The following MTMR2 variants were observed in gnomAD, a reference collection of about 807,000 sequenced individuals.
The protein encoded by MTMR2 is phosphatidylinositol-3,5-bisphosphate 3-phosphatase MTMR2.
A neutral mutation model predicts 86.9 loss-of-function variants in MTMR2; 55 were observed. The observed-to-expected ratio is 0.63, with a 90% confidence interval of 0.51 to 0.79. The LOEUF (loss-of-function observed/expected upper bound fraction) is 0.79, where lower values mean the gene tolerates loss of function less well. MTMR2 is among the 30% of genes least tolerant of loss of function. MTMR2 has a pLI of 0.00. For missense variants in MTMR2, 659 were observed against 772.3 expected (o/e 0.85, Z 1.74); for synonymous variants, 241 against 266.8 (o/e 0.90, Z 0.94).
At chr11:95,894,702 T>C (rs1375443055) in intron 1 of MTMR2, among the ~76,000 whole-genome samples, 1 of 152,150 alleles carries the variant, frequency 6.6e-6, no homozygotes, top group Non-Finnish European at 1.5e-5. Context: ...AAAGAGTTTC[T>C]TGAAATTTTG....
At chr11:95,883,418 T>C (rs917804865) in intron 2 of MTMR2, among the ~76,000 whole-genome samples, 4 of 152,202 alleles carry the variant, frequency 2.6e-5, no homozygotes, top group African/African-American at 9.7e-5. Context: ...ATTGCATTAC[T>C]TGAAATTCTA....
At chr11:95,884,626 C>T (rs766299076) in intron 2 of MTMR2, among the ~76,000 whole-genome samples, 4 of 152,082 alleles carry the variant, frequency 2.6e-5, no homozygotes, top group Admixed American at 6.5e-5. Flanking sequence ...GAGTCATGTA[C>T]GAATATCTAT....
chr11:95,896,949 ATT>A (rs1393189171), intron 1 of MTMR2, among the ~76,000 whole-genome samples: 1 of 150,944 alleles, frequency 6.6e-6, no homozygotes, highest in African/African-American at 2.4e-5. Flanking sequence ...TGACTATGTT[ATT>A]TTCACTGGGA....
chr11:95,845,208 T>TCC (rs1332388107), intron 10 of MTMR2, 49 bp from the exon 11 acceptor site: 1 of 1,480,584 alleles, frequency 6.8e-7, no homozygotes, highest in Admixed American at 1.8e-5. Flanking sequence ...GGTAAATACT[T>TCC]CCTTCTTCAA....
intron 2 of MTMR2, among the ~76,000 whole-genome samples, 166 bp downstream of exon 2, chr11:95,887,990 A>G (rs1865572129): frequency 6.6e-6 from 1 of 152,224 alleles, no homozygotes; most frequent in Admixed American, 6.5e-5. Context: ...TCTTTTACAA[A>G]TAAGTAAGCA....
At chr11:95,841,184 A>G (rs1374034975) in intron 12 of MTMR2, among the ~76,000 whole-genome samples, 2 of 152,148 alleles carry the variant, frequency 1.3e-5, no homozygotes, top group East Asian at 3.8e-4. Flanking sequence ...TATGCTTTCT[A>G]TATAAACATT....
intron 9 of MTMR2, among the ~76,000 whole-genome samples, 179 bp from the exon 10 acceptor site, chr11:95,848,078 C>G (rs181046970): frequency 2.2e-4 from 33 of 152,286 alleles, no homozygotes; most frequent in Admixed American, 5.2e-4. Context: ...TTCTTGTGTT[C>G]TTCTTTACAA....
chr11:95,868,302 GAAAGAA>G lies in MTMR2; in HGVS notation c.187-2632_187-2627del, dbSNP rs1218370605. Among the ~76,000 whole-genome samples, 44 of 93,368 alleles carry G rather than the reference GAAAGAA, an allele frequency of 4.7e-4. 1 individual carries two copies. Among genetic ancestry groups the G allele is most frequent in the African/African-American group, 1.6e-3 (40 of 25,402 alleles). The allele number at this position is 93,368 out of a possible 152,430, so 61.3% of individuals were successfully genotyped here. A position where few individuals can be genotyped will look rare whatever the true frequency, so the allele number is the denominator to read the frequency against. Reference sequence around the variant, plus strand: ...AAAAAAAAAAAAAAAAAAAAAAAAAGAAAGAAAAAGAAAAAGAAAAAAAAGAAATAG... The same window carrying G: ...AAAAAAAAAAAAAAAAAAAAAAAAAGAAAGAAAAAGAAAAAAAAGAAATAG... On this transcript the variant is annotated intron_variant, in intron 2 of 14. Coordinates refer to ENST00000346299, the MANE Select transcript of MTMR2 (RefSeq NM_016156.6).
At chr11:95,858,094 C>T (rs1864275651) in intron 6 of MTMR2, among the ~76,000 whole-genome samples, 1 of 152,122 alleles carries the variant, frequency 6.6e-6, no homozygotes, top group Non-Finnish European at 1.5e-5. Flanking sequence ...TATCTACCAC[C>T]ATAGGCTACA....
At chr11:95,857,670 A>C in intron 6 of MTMR2, 35 bp from the exon 7 acceptor site, 18 of 1,363,876 alleles carry the variant, frequency 1.3e-5, no homozygotes, top group Non-Finnish European at 1.9e-5. Context: ...GAGCTAAAAA[A>C]GATATTCACA....
chr11:95,881,410 A>AT (rs1210182702), intron 2 of MTMR2, among the ~76,000 whole-genome samples: 2 of 152,054 alleles, frequency 1.3e-5, no homozygotes, highest in Non-Finnish European at 1.5e-5. Context: ...AAACTTTTGA[A>AT]TTTTTTTGGA....
chr11:95,851,055 C>CT (rs55809121), intron 7 of MTMR2, among the ~76,000 whole-genome samples: 2,089 of 93,388 alleles, frequency 0.022, 14 homozygotes, highest in South Asian at 0.034. Context: ...TCAAATATTC[C>CT]TTTTTTTTTT....
chr11:95,920,481 CTTTT>C (rs10572906), intron 1 of MTMR2, among the ~76,000 whole-genome samples: 2 of 141,706 alleles, frequency 1.4e-5, no homozygotes, highest in African/African-American at 2.6e-5. Context: ...CTGACGATTA[CTTTT>C]TTTTTTTTTT....
intron 2 of MTMR2, among the ~76,000 whole-genome samples, chr11:95,877,817 C>A (rs780831736): frequency 1.1e-4 from 17 of 151,934 alleles, no homozygotes; most frequent in Admixed American, 2.0e-4. Flanking sequence ...ATAGATTCTC[C>A]CTCAAAGCTC....
At chr11:95,854,104 T>C (rs919290395) in intron 7 of MTMR2, among the ~76,000 whole-genome samples, 1 of 152,048 alleles carries the variant, frequency 6.6e-6, no homozygotes, top group African/African-American at 2.4e-5. Context: ...ATGGCTATTG[T>C]CCTCCTCATT....
chr11:95,896,215 T>C (rs1591032710), intron 1 of MTMR2, among the ~76,000 whole-genome samples: 1 of 152,152 alleles, frequency 6.6e-6, no homozygotes, highest in South Asian at 2.1e-4. Flanking sequence ...AGTGCTCCCA[T>C]AGCCACTCTC....
intron 1 of MTMR2, among the ~76,000 whole-genome samples, chr11:95,897,912 C>CT (rs1453552759): frequency 6.6e-6 from 1 of 152,148 alleles, no homozygotes; most frequent in Non-Finnish European, 1.5e-5. Context: ...CAAACTTACT[C>CT]TAACTTTGTG....
chr11:95,914,849 T>C (rs1866642111), intron 1 of MTMR2, among the ~76,000 whole-genome samples: 1 of 152,124 alleles, frequency 6.6e-6, no homozygotes, highest in Non-Finnish European at 1.5e-5. Flanking sequence ...AATTCACATG[T>C]CAAGGTACCC....
intron 1 of MTMR2, among the ~76,000 whole-genome samples, chr11:95,892,087 C>A (rs1865734501): frequency 6.6e-6 from 1 of 152,134 alleles, no homozygotes; most frequent in Non-Finnish European, 1.5e-5. Context: ...TTGTAGTCAC[C>A]ATGGCTACTG....
Sources: gnomAD v4.1 joint callset for allele counts (sites outside exome capture counted in the v4.1 genomes callset) on GRCh38, gnomAD v4.1.1 for gene constraint, MANE v1.5 for transcripts, NCBI Gene and HGNC (gene_info 2026-07-23, HGNC 2026-07-21) for gene names.